The following PHF19 variants were observed in gnomAD, a reference collection of about 807,000 sequenced individuals.
The protein encoded by PHF19 is PHD finger protein 19, also known as polycomb like 3.
PHF19 carries 21 observed loss-of-function variants against 79.8 expected under a neutral mutation model. The ratio of observed to expected loss-of-function variants is 0.26; its 90% CI spans 0.19 to 0.38. The LOEUF is 0.38. Ranked by LOEUF, PHF19 falls within the 10% of genes least tolerant of loss-of-function variation. The probability of loss-of-function intolerance (pLI) is 1.00; values close to 1 mark genes in which losing one functional copy is unlikely to be tolerated. For synonymous variants in PHF19, 273 were observed against 296.3 expected (o/e 0.92, Z 0.81); for missense variants, 445 against 744.2 (o/e 0.60, Z 4.68).
At chr9:120,868,895 CCCGAGGCCCCGCCCT>C in intron 6 of PHF19, 1 of 1,062,218 alleles carries the variant, frequency 9.4e-7, no homozygotes, top group Non-Finnish European at 1.2e-6. Flanking sequence ...GGGCCCGCCC[CCCGAGGCCCCGCCCT>C]CAGGTCCAAT....
rs114287167 is a variant in PHF19, at chr9:120,860,591, A to G, written c.1305-406T>C. ...AAGCAGGGTCTGGAGTTCAGGTCTG[A>G]CTCTAAAGCCCTCCTCTGTGTCCTC... is the stretch of plus-strand genomic sequence containing the variant. On this transcript the variant is annotated intron_variant, in intron 13 of 14. Transcript: ENST00000373896. This position sits in a 1 kb window ranked among gnomAD's most constrained non-coding sequence, Gnocchi z 4.1. 7.4e-3 allele frequency: 1,752 copies of G among 235,536 alleles called. 25 individuals are homozygous for G. The highest frequency in any genetic ancestry group is 0.037 in the African/African-American group (1,652 of 44,930). 14.6% of individuals were successfully genotyped at this position (235,536 alleles called of 1,614,324 possible).
intron 1 of PHF19, among the ~76,000 whole-genome samples, chr9:120,892,608 C>G (rs1281381425): frequency 6.6e-6 from 1 of 152,080 alleles, no homozygotes; most frequent in African/African-American, 2.4e-5. Flanking sequence ...TGTGGCCTGT[C>G]CCCATGGCAT....
rs1343494333 is a variant in PHF19, at chr9:120,870,275, C to T, written c.364+168G>A. Among the ~76,000 whole-genome samples the T allele has an allele frequency of 1.3e-5, 2 of 152,148 alleles. No homozygotes were observed. The highest frequency in any genetic ancestry group is 6.5e-5 in the Admixed American group (1 of 15,282). On this transcript the variant is annotated intron_variant, in intron 4 of 14. Coordinates refer to ENST00000373896, the MANE Select transcript of PHF19 (RefSeq NM_015651.3). This position sits in a 1 kb window ranked among gnomAD's most constrained non-coding sequence, Gnocchi z 4.4. ...ATACCCTCCCAGCTTTCCCCAGGATCTCTTCCCAAGCCCTCACTTACAGCA... is the reference window on the plus strand; with the variant it reads ...ATACCCTCCCAGCTTTCCCCAGGATTTCTTCCCAAGCCCTCACTTACAGCA...
In PHF19 at chr9:120,861,950, A is replaced by T. The variant is rs750959943; in HGVS notation, c.1186T>A (p.Ser396Thr). 2 of 1,613,604 alleles carry T rather than the reference A, an allele frequency of 1.2e-6. No homozygotes were observed. Among genetic ancestry groups the T allele is most frequent in the Non-Finnish European group, 1.7e-6 (2 of 1,179,454 alleles). ...QKRRVYRRKR[S>T]KFLLEDAIPS... ...ATAGCATCTTCCAGCAAAAACTTTG[A>T]TCTTTTTCTTCTATAAACTCGCCTT... is the stretch of plus-strand genomic sequence containing the variant. Residue 396 changes from serine (S) to threonine (T), a missense_variant, in exon 12 of 15, where the codon TCA becomes ACA. Ser to Thr is a moderately conservative substitution (Grantham distance 58, BLOSUM62 1). This residue lies in a region of PHF19 where 83 missense variants were observed against 85.5 expected (regional missense o/e 0.97). Coordinates refer to ENST00000373896, the MANE Select transcript of PHF19 (RefSeq NM_015651.3).
chr9:120,898,580 C>T (rs904023547), upstream of PHF19, among the ~76,000 whole-genome samples: 3 of 152,216 alleles, frequency 2.0e-5, no homozygotes, highest in Admixed American at 6.5e-5. Flanking sequence ...CTGTTCAGAA[C>T]TAAAACTGGA....
Position 120,857,722 on chromosome 9 carries a change from C to T in PHF19, c.*222G>A, listed in dbSNP as rs534781019. ...AGGGGGTGTGGAGTGTGTAGAGACA[C>T]AGGCACAGGGGTAACGAGCCTGAGG... On this transcript the variant is annotated 3_prime_UTR_variant, in exon 15 of 15. Transcript: ENST00000373896. The T allele has an allele frequency of 1.0e-5, 5 of 502,048 alleles. No homozygotes were observed. Among genetic ancestry groups the T allele is most frequent in the Admixed American group, 7.1e-5 (2 of 28,130 alleles). The allele number at this position is 502,048 out of a possible 1,614,324, so 31.1% of individuals were successfully genotyped here. A position where few individuals can be genotyped will look rare whatever the true frequency, so the allele number is the denominator to read the frequency against.
In PHF19 at chr9:120,891,259, C is replaced by T. The variant is rs2046339240; in HGVS notation, c.42+3529G>A. ...CCGCCCTCTTCCCTTCTCTCCCCTC[C>T]TCTCCCCTCCTTTCCCCTTCTTCTC... On this transcript the variant is annotated intron_variant, in intron 1 of 14. Transcript: ENST00000616568. This position sits in a 1 kb window ranked among gnomAD's most constrained non-coding sequence, Gnocchi z 4.3. Among the ~76,000 whole-genome samples the T allele has an allele frequency of 6.6e-6, 1 of 152,072 alleles. No individual in the cohort carries two copies. Among genetic ancestry groups the T allele is most frequent in the Non-Finnish European group, 1.5e-5 (1 of 68,004 alleles).
rs557846050 is a variant in PHF19 at position 120,892,095 on chromosome 9, C to CA, written c.42+2692dup. Among the ~76,000 whole-genome samples the CA allele has an allele frequency of 1.3e-3, 203 of 152,202 alleles. 2 individuals carry two copies. Among genetic ancestry groups the CA allele is most frequent in the Middle Eastern group, 3.4e-3 (1 of 294 alleles). ...TCCCTCTTTTTTAAAAAGAGAATGC[C>CA]AAAAATCTGAATTTTTAAAAAGGTG... On this transcript the variant is annotated intron_variant, in intron 1 of 14. Coordinates refer to the PHF19 transcript ENST00000616568.
At chr9:120,885,639 A>ATTTACTAC (rs2046252980) in intron 1 of PHF19, among the ~76,000 whole-genome samples, 1 of 151,570 alleles carries the variant, frequency 6.6e-6, no homozygotes, top group Non-Finnish European at 1.5e-5. Context: ...GGAAAGACGC[A>ATTTACTAC]TTCAAGATGA....
chr9:120,872,428 T>C (rs1588117549), intron 3 of PHF19, among the ~76,000 whole-genome samples: 1 of 152,368 alleles, frequency 6.6e-6, no homozygotes, highest in East Asian at 1.9e-4. Flanking sequence ...GGAGGTCAGC[T>C]AAGGTGCATG....
upstream of PHF19, among the ~76,000 whole-genome samples, chr9:120,881,166 T>TG (rs1174504899): frequency 8.6e-5 from 13 of 150,322 alleles, no homozygotes; most frequent in Non-Finnish European, 1.8e-4. Context: ...TTTTTTTTTT[T>TG]TGAGAGAGTC....
chr9:120,896,431 A>G (rs1221104548), upstream of PHF19, among the ~76,000 whole-genome samples: 1 of 129,938 alleles, frequency 7.7e-6, no homozygotes, highest in Non-Finnish European at 1.6e-5. Flanking sequence ...TTATGTTTGT[A>G]TGGTTCTTTT....
At chr9:120,888,556 T>A (rs2046299702) in intron 1 of PHF19, among the ~76,000 whole-genome samples, 1 of 152,298 alleles carries the variant, frequency 6.6e-6, no homozygotes, top group South Asian at 2.1e-4. Flanking sequence ...TTGGTCAGTG[T>A]CCACAGCACC....
At position 120,858,105 on chromosome 9, in the gene PHF19, C is replaced by T. The variant is rs1476510888; in HGVS notation, c.1582G>A (p.Asp528Asn). 2 of 1,614,208 alleles carry T rather than the reference C, an allele frequency of 1.2e-6. No homozygotes were observed. The highest frequency in any genetic ancestry group is 2.2e-5 in the East Asian group (1 of 44,888). ...DSHTFESISE[D>N]DSSLSHLKSS... ...TTGAGGTGGGACAGGGATGAGTCAT[C>T]TTCACTGATGCTCTCAAATGTGTGG... is the stretch of plus-strand genomic sequence containing the variant. Residue 528 changes from aspartate to asparagine, a missense_variant, in exon 15 of 15, where the codon GAT becomes AAT. Coordinates refer to ENST00000373896, the MANE Select transcript of PHF19 (RefSeq NM_015651.3).
Position 120,869,453 on chromosome 9 carries a change from G to C in PHF19, c.466-123C>G. On this transcript the variant is annotated intron_variant, in intron 5 of 14. Coordinates refer to ENST00000373896, the MANE Select transcript of PHF19 (RefSeq NM_015651.3). This position sits in a 1 kb window ranked among gnomAD's most constrained non-coding sequence, Gnocchi z 5.8. The stretch of plus-strand genomic sequence containing the variant: ...GGGGACCCGCAGATATTCCAATATA[G>C]TCAGAAAAGCAAGGAGCTTTTTCTC... 1.5e-6 allele frequency: 2 copies of C among 1,331,324 alleles called. No individual in the cohort carries two copies. Among genetic ancestry groups the C allele is most frequent in the African/African-American group, 1.5e-5 (1 of 68,254 alleles). The allele number at this position is 1,331,324 out of a possible 1,614,324, so 82.5% of individuals were successfully genotyped here. A position where few individuals can be genotyped will look rare whatever the true frequency, so the allele number is the denominator to read the frequency against.
chr9:120,897,649 T>C (rs1258260656), upstream of PHF19, among the ~76,000 whole-genome samples: 2 of 152,294 alleles, frequency 1.3e-5, no homozygotes, highest in East Asian at 1.9e-4. Context: ...TTTTTTATCA[T>C]TTCAACATGT....
Position 120,862,696 on chromosome 9 carries a change from A to C in PHF19, c.1022T>G (p.Ile341Ser), listed in dbSNP as rs1460623871. The C allele has an allele frequency of 6.2e-7, 1 of 1,614,162 alleles. No individual in the cohort carries two copies. Among genetic ancestry groups the C allele is most frequent in the Non-Finnish European group, 8.5e-7 (1 of 1,180,014 alleles). Residue 341 changes from isoleucine (I) to serine (S), a missense_variant, in exon 11 of 15, where the codon ATC becomes AGC. Transcript: ENST00000373896. This position sits in a 1 kb window ranked among gnomAD's most constrained non-coding sequence, Gnocchi z 4.6. Reference sequence around the variant, plus strand: ...CCCTGGCGGGTTGGGTGGGACGCGGATGCGCAGGCGGAAGATGCACTTCTT... The same window carrying C: ...CCCTGGCGGGTTGGGTGGGACGCGGCTGCGCAGGCGGAAGATGCACTTCTT... The part of the protein sequence containing the change: ...KKKKCIFRLR[I>S]RVPPNPPGKL...
chr9:120,898,059 G>C (rs1468436153), upstream of PHF19, among the ~76,000 whole-genome samples: 1 of 151,642 alleles, frequency 6.6e-6, no homozygotes, highest in Non-Finnish European at 1.5e-5. Flanking sequence ...ATTTCAGACA[G>C]AGCATCTCAA....
chr9:120,855,717 T>C lies in PHF19; in HGVS notation c.*2227A>G, dbSNP rs1044584553. The C allele has an allele frequency of 7.9e-5, 12 of 152,816 alleles. No individual in the cohort carries two copies. Among genetic ancestry groups the C allele is most frequent in the African/African-American group, 2.6e-4 (11 of 41,592 alleles). The allele number at this position is 152,816 out of a possible 1,614,324, so 9.5% of individuals were successfully genotyped here. A position where few individuals can be genotyped will look rare whatever the true frequency, so the allele number is the denominator to read the frequency against. ...TTAATTATAACTTTAACAAATGTTA[T>C]TAAAAGCAGCAATTAAAAACCATGA... On this transcript the variant is annotated 3_prime_UTR_variant, in exon 15 of 15. Transcript: ENST00000373896.
Sources: gnomAD v4.1 joint callset for allele counts (sites outside exome capture counted in the v4.1 genomes callset) on GRCh38, gnomAD v4.1.1 for gene constraint, gnomAD v4.1.1 regional missense constraint, Gnocchi (gnomAD v3.1) non-coding constraint, MANE v1.5 for transcripts, NCBI Gene and HGNC (gene_info 2026-07-23, HGNC 2026-07-21) for gene names.